MTR: variants seen among roughly 807,000 people sequenced by gnomAD.
The protein encoded by MTR is 5-methyltetrahydrofolate-homocysteine methyltransferase.
MTR carries 84 observed loss-of-function variants against 154.8 expected under a neutral mutation model. That is an observed-to-expected ratio of 0.54 (90% CI 0.45 to 0.65). The LOEUF (loss-of-function observed/expected upper bound fraction) is 0.65. MTR is among the 30% of genes least tolerant of loss of function. The probability of loss-of-function intolerance (pLI) is 0.00; values close to 1 mark genes in which losing one functional copy is unlikely to be tolerated. For missense variants in MTR, 1,275 were observed against 1,570.2 expected, an observed-to-expected ratio of 0.81 and a Z score of 3.18; for synonymous variants, 554 against 553.9, an observed-to-expected ratio of 1.00 and a Z score of 0.00.
At chr1:236,852,914 T>C (rs368802452) in intron 17 of MTR, 34 bp from the exon 18 acceptor site, 2 of 1,613,332 alleles carry the variant, frequency 1.2e-6, no homozygotes, top group East Asian at 2.2e-5. Flanking sequence ...AAGGTATCAC[T>C]GTAAATTCTC....
chr1:236,829,771 C>T (rs567398327), intron 12 of MTR, among the ~76,000 whole-genome samples: 70 of 152,330 alleles, frequency 4.6e-4, no homozygotes, highest in Non-Finnish European at 8.5e-4. Context: ...TCTCAACAAT[C>T]CTTTGAGGTG....
intron 9 of MTR, among the ~76,000 whole-genome samples, chr1:236,824,453 C>T (rs1292974006): frequency 6.6e-6 from 1 of 152,210 alleles, no homozygotes; most frequent in Non-Finnish European, 1.5e-5. Flanking sequence ...AGTCACATAA[C>T]TGACCAGAGC....
intron 8 of MTR, among the ~76,000 whole-genome samples, chr1:236,819,237 A>T (rs1157307884): frequency 6.6e-6 from 1 of 152,166 alleles, no homozygotes; most frequent in Non-Finnish European, 1.5e-5. Context: ...TCATTGCCCC[A>T]AAAGTCCCTT....
At chr1:236,833,908 A>G (rs1260402689) in intron 13 of MTR, among the ~76,000 whole-genome samples, 1 of 152,068 alleles carries the variant, frequency 6.6e-6, no homozygotes, top group Non-Finnish European at 1.5e-5. Flanking sequence ...TCCATTCCCC[A>G]TTAGTCAGCT....
chr1:236,797,038 A>G (rs914150564), intron 1 of MTR, among the ~76,000 whole-genome samples: 3 of 152,068 alleles, frequency 2.0e-5, no homozygotes, highest in African/African-American at 7.2e-5. Context: ...AAATAAACTG[A>G]AAGGAAAATT....
rs75370750 is a variant in MTR at position 236,825,086 on chromosome 1, G to A, written c.866-252G>A. 0.021 allele frequency among the ~76,000 whole-genome samples: 3,043 copies of A among 146,370 alleles called. 89 individuals carry two copies. Among genetic ancestry groups the A allele is most frequent in the African/African-American group, 0.072 (2,807 of 39,200 alleles). ...TGGGGGTATTCTGTTCTGCCTAACA[G>A]TGAATATTTTCTTTCAAACGGAAAA... On this transcript the variant is annotated intron_variant, in intron 9 of 32. Coordinates refer to ENST00000366577, the MANE Select transcript of MTR (RefSeq NM_000254.3).
intron 19 of MTR, 57 bp downstream of exon 19, chr1:236,859,979 T>C: frequency 6.8e-7 from 1 of 1,470,036 alleles, no homozygotes; most frequent in South Asian, 1.1e-5. Context: ...TGACTGATCC[T>C]GTTGTGGGCG....
intron 2 of MTR, 31 bp from the exon 3 acceptor site, chr1:236,806,113 T>C (rs775106520): frequency 6.3e-7 from 1 of 1,575,340 alleles, no homozygotes; most frequent in South Asian, 1.1e-5. Flanking sequence ...ACTCTAAAGC[T>C]CATAATTGAC....
At chr1:236,893,979 T>C (rs1666476954) in intron 29 of MTR, among the ~76,000 whole-genome samples, 1 of 152,074 alleles carries the variant, frequency 6.6e-6, no homozygotes, top group Non-Finnish European at 1.5e-5. Flanking sequence ...CTGGACTTAA[T>C]TGAAAACACT....
intron 4 of MTR, among the ~76,000 whole-genome samples, chr1:236,809,976 A>G (rs115219901): frequency 0.018 from 2,718 of 152,294 alleles, 50 homozygotes; most frequent in Non-Finnish European, 0.027. Flanking sequence ...AGGGCCTGCA[A>G]TATGGTACTA....
intron 13 of MTR, among the ~76,000 whole-genome samples, chr1:236,834,149 A>T (rs186279078): frequency 6.6e-6 from 1 of 152,338 alleles, no homozygotes; most frequent in Admixed American, 6.5e-5. Flanking sequence ...TATTGATACT[A>T]GAAAACATTT....
intron 15 of MTR, among the ~76,000 whole-genome samples, chr1:236,842,783 TGTATA>T (rs1444756240): frequency 1.1e-5 from 1 of 90,132 alleles, no homozygotes; most frequent in Non-Finnish European, 2.0e-5. Context: ...AAAAAAAAGA[TGTATA>T]TATATATATA....
chr1:236,805,631 C>A (rs1390229791), intron 2 of MTR, among the ~76,000 whole-genome samples: 1 of 151,938 alleles, frequency 6.6e-6, no homozygotes, highest in Non-Finnish European at 1.5e-5. Context: ...GTAGCTGGGA[C>A]TACGGGCATG....
intron 28 of MTR, 22 bp downstream of exon 28, chr1:236,889,358 T>A: frequency 6.2e-7 from 1 of 1,613,896 alleles, no homozygotes; most frequent in Non-Finnish European, 8.5e-7. Context: ...AAGTCCTTCC[T>A]TTCTGCCTCT....
intron 12 of MTR, among the ~76,000 whole-genome samples, chr1:236,831,516 T>TAA (rs1662610383): frequency 6.6e-6 from 1 of 152,338 alleles, no homozygotes; most frequent in African/African-American, 2.4e-5. Context: ...AGTAATGTTG[T>TAA]AAACACACCA....
intron 8 of MTR, among the ~76,000 whole-genome samples, chr1:236,819,347 C>T (rs1279766094): frequency 6.6e-6 from 1 of 152,208 alleles, no homozygotes; most frequent in Non-Finnish European, 1.5e-5. Context: ...GTTGAGACCA[C>T]ATAGTATGTA....
In MTR at chr1:236,885,285, A is replaced by C. The variant is rs928237660; in HGVS notation, c.2775+66A>C. On this transcript the variant is annotated intron_variant, in intron 26 of 32. Transcript: ENST00000366577. ...CTGTTTTTTATGATCCTAGTTTTTA[A>C]TGTGACTTTTTAAAATGGTTTTGAG... 6.9e-6 allele frequency: 7 copies of C among 1,021,214 alleles called. No individual in the cohort carries two copies. In the African/African-American group the frequency reaches 1.1e-4, roughly 16 times the overall value. 63.3% of individuals were successfully genotyped at this position (1,021,214 alleles called of 1,614,324 possible).
chr1:236,822,499 A>G (rs1291946129), intron 8 of MTR, among the ~76,000 whole-genome samples: 2 of 151,866 alleles, frequency 1.3e-5, no homozygotes, highest in Non-Finnish European at 2.9e-5. Flanking sequence ...TTGCAGAGGT[A>G]GGGTTTTACT....
intron 15 of MTR, among the ~76,000 whole-genome samples, chr1:236,841,655 T>TTC (rs1185445746): frequency 6.6e-6 from 1 of 151,944 alleles, no homozygotes; most frequent in East Asian, 1.9e-4. Context: ...ATCTTTTTTT[T>TTC]TTTTTTAGTC....
Sources: allele counts gnomAD v4.1 joint callset (sites outside exome capture counted in the v4.1 genomes callset), GRCh38; gene constraint gnomAD v4.1.1; transcripts MANE v1.5; gene names NCBI Gene and HGNC (gene_info 2026-07-23, HGNC 2026-07-21).